Variants in NFIA observed in about 807,000 individuals in gnomAD.
NFIA encodes nuclear factor 1 A-type.
NFIA carries 8 observed loss-of-function variants against 62.8 expected under a neutral mutation model. The ratio of observed to expected loss-of-function variants is 0.13; its 90% CI spans 0.07 to 0.23. The LOEUF is 0.23. Ranked by LOEUF, NFIA falls within the 10% of genes least tolerant of loss-of-function variation. NFIA has a pLI of 1.00. For synonymous variants in NFIA, 235 were observed against 238.1 expected (o/e 0.99, Z 0.12); for missense variants, 410 against 642.1 (o/e 0.64, Z 3.91).
At chr1:61,131,551 G>C (rs895803931) in intron 2 of NFIA, among the ~76,000 whole-genome samples, 13 of 151,956 alleles carry the variant, frequency 8.6e-5, no homozygotes, top group Non-Finnish European at 1.5e-5. Context: ...CCTTTCCTTG[G>C]TATATGATGC....
At chr1:61,157,303 T>C (rs1648885576) in intron 2 of NFIA, among the ~76,000 whole-genome samples, 1 of 152,204 alleles carries the variant, frequency 6.6e-6, no homozygotes, top group Non-Finnish European at 1.5e-5. Context: ...ACTTTGTAGC[T>C]CCCTCTTTCC....
chr1:61,270,749 A>G (rs1277217764), intron 2 of NFIA, among the ~76,000 whole-genome samples: 2 of 152,202 alleles, frequency 1.3e-5, no homozygotes, highest in Non-Finnish European at 2.9e-5. Flanking sequence ...CTATGCAATA[A>G]TGTTGCAGGG....
chr1:61,309,746 G>T (rs1417519370), intron 3 of NFIA, among the ~76,000 whole-genome samples: 1 of 152,102 alleles, frequency 6.6e-6, no homozygotes, highest in Non-Finnish European at 1.5e-5. Flanking sequence ...AAAATTAGCT[G>T]GGTGTGGTGG....
intron 3 of NFIA, among the ~76,000 whole-genome samples, chr1:61,329,263 G>A (rs1332598446): frequency 2.0e-5 from 3 of 149,504 alleles, no homozygotes; most frequent in African/African-American, 7.4e-5. Context: ...AGCCAGGATG[G>A]TCTTGATTTC....
At chr1:61,126,566 G>A (rs1189888822) in intron 2 of NFIA, among the ~76,000 whole-genome samples, 3 of 151,682 alleles carry the variant, frequency 2.0e-5, no homozygotes, top group Non-Finnish European at 4.4e-5. Context: ...AAGAATATGA[G>A]TATCAGAAGA....
chr1:61,236,792 C>G (rs1004003486), intron 2 of NFIA, among the ~76,000 whole-genome samples: 13 of 152,142 alleles, frequency 8.5e-5, no homozygotes, highest in African/African-American at 3.1e-4. Flanking sequence ...GTCCATTTCT[C>G]TAATCATTTC....
In NFIA at chr1:61,110,524, C is replaced by T. The variant is rs551943981; in HGVS notation, c.559+21844C>T. 3.3e-5 allele frequency among the ~76,000 whole-genome samples: 5 copies of T among 152,074 alleles called. No individual in the cohort carries two copies. In the South Asian group the frequency reaches 1.0e-3, roughly 31 times the overall value. On this transcript the variant is annotated intron_variant, in intron 2 of 10. Coordinates refer to ENST00000403491, the MANE Select transcript of NFIA (RefSeq NM_001134673.4). Reference sequence around the variant, plus strand: ...ATGTGTACTTTTAAAATTCAGTTGTCTTAATCTGAAGCTATTTGAGTCATA... The same window carrying T: ...ATGTGTACTTTTAAAATTCAGTTGTTTTAATCTGAAGCTATTTGAGTCATA...
chr1:61,431,241 A>G (rs987263205), intron 10 of NFIA, among the ~76,000 whole-genome samples: 8 of 152,244 alleles, frequency 5.3e-5, no homozygotes, highest in Non-Finnish European at 1.0e-4. Context: ...AAGAAAAAAA[A>G]GTTAATATTT....
chr1:61,389,759 TAGC>T (rs1664876677), intron 7 of NFIA, among the ~76,000 whole-genome samples: 1 of 149,380 alleles, frequency 6.7e-6, no homozygotes, highest in African/African-American at 2.5e-5. Context: ...TTTTTTTTAA[TAGC>T]AGCCATAAAC....
chr1:61,192,627 G>A (rs1237604413), intron 2 of NFIA, among the ~76,000 whole-genome samples: 1 of 151,822 alleles, frequency 6.6e-6, no homozygotes, highest in Non-Finnish European at 1.5e-5. Flanking sequence ...CCCCTGAACT[G>A]GGGAGGCGGA....
At chr1:61,343,879 A>C (rs1237312706) in intron 4 of NFIA, among the ~76,000 whole-genome samples, 1 of 152,228 alleles carries the variant, frequency 6.6e-6, no homozygotes, top group Non-Finnish European at 1.5e-5. Flanking sequence ...GCAGTCTGCT[A>C]TCTGCAGGGT....
chr1:61,427,921 T>G (rs909783409), intron 10 of NFIA, among the ~76,000 whole-genome samples: 2 of 152,230 alleles, frequency 1.3e-5, no homozygotes, highest in African/African-American at 4.8e-5. Context: ...TTCTGGTGAA[T>G]TTGAAGTTGC....
chr1:61,365,815 C>T (rs1369032320), intron 6 of NFIA, among the ~76,000 whole-genome samples: 1 of 152,138 alleles, frequency 6.6e-6, no homozygotes, highest in African/African-American at 2.4e-5. Flanking sequence ...TAATGAAGTC[C>T]AAAGTCCTTT....
intron 10 of NFIA, among the ~76,000 whole-genome samples, chr1:61,441,327 GTGTGTGTC>G (rs1415976227): frequency 3.5e-5 from 5 of 141,656 alleles, no homozygotes; most frequent in African/African-American, 1.4e-4. Flanking sequence ...GTGTGTGTGT[GTGTGTGTC>G]TGTCTGTCTG....
chr1:61,304,443 A>T (rs2100335751), intron 3 of NFIA, among the ~76,000 whole-genome samples: 1 of 152,312 alleles, frequency 6.6e-6, no homozygotes, highest in East Asian at 1.9e-4. Context: ...TAGTGTATGA[A>T]TTCCTTTTCA....
chr1:61,085,210 A>G (rs542087353), intron 1 of NFIA, among the ~76,000 whole-genome samples: 22 of 152,318 alleles, frequency 1.4e-4, no homozygotes, highest in African/African-American at 5.3e-4. Flanking sequence ...AACTTTACCA[A>G]GAAAAACCTA....
rs1377287979 is a variant in NFIA, at chr1:61,460,251, C to CGTGTAT, written c.*4934_*4939dup. 6.6e-6 allele frequency: 1 copy of CGTGTAT among 152,170 alleles called. No homozygotes were observed. Among genetic ancestry groups the CGTGTAT allele is most frequent in the African/African-American group, 2.4e-5 (1 of 41,448 alleles). The allele number at this position is 152,170 out of a possible 1,614,324, so 9.4% of individuals were successfully genotyped here. A position where few individuals can be genotyped will look rare whatever the true frequency, so the allele number is the denominator to read the frequency against. ...GGCTGTGCATTCGTCTAATTAGCGT[C>CGTGTAT]GTGTATGTTTTCCTTTTATTTTTTC... On this transcript the variant is annotated 3_prime_UTR_variant, in exon 11 of 11. Coordinates refer to ENST00000403491, the MANE Select transcript of NFIA (RefSeq NM_001134673.4).
intron 2 of NFIA, among the ~76,000 whole-genome samples, chr1:61,273,091 G>A (rs1041567303): frequency 6.6e-6 from 1 of 152,126 alleles, no homozygotes; most frequent in African/African-American, 2.4e-5. Flanking sequence ...GAATGACATC[G>A]GTTTGTTTTA....
chr1:61,092,457 A>T (rs948936656), intron 2 of NFIA, among the ~76,000 whole-genome samples: 1 of 152,086 alleles, frequency 6.6e-6, no homozygotes, highest in Admixed American at 6.6e-5. Flanking sequence ...TATTACCTTT[A>T]CTTAATTTTG....
Sources: gnomAD v4.1 joint callset for allele counts (sites outside exome capture counted in the v4.1 genomes callset) on GRCh38, gnomAD v4.1.1 for gene constraint, MANE v1.5 for transcripts, NCBI Gene and HGNC (gene_info 2026-07-23, HGNC 2026-07-21) for gene names.